The following BEGAIN variants were observed in gnomAD, a reference collection of about 807,000 sequenced individuals.
BEGAIN encodes the protein brain-enriched guanylate kinase-associated protein.
Under a neutral mutation model 35.8 loss-of-function variants are expected in BEGAIN, and 19 were observed. The observed-to-expected ratio is 0.53, with a 90% CI of 0.37 to 0.78. BEGAIN has a LOEUF of 0.78. BEGAIN is among the 30% of genes least tolerant of loss of function. The pLI is 0.00. For missense variants in BEGAIN, 795 were observed against 853.6 expected (o/e 0.93, Z 0.85); for synonymous variants, 462 against 388.6 (o/e 1.19, Z -2.22).
Position 100,539,136 on chromosome 14 carries a change from G to A in BEGAIN, c.672C>T (p.Arg224=). ...LSSRLSDASA[R]DLAFCDGVEK... is the part of the protein sequence containing the mutation. ...CCACCCCGTCGCAGAAGGCCAGGTC[G>A]CGGGCGGAGGCATCGGACAGGCGGG... The change falls in exon 7 of 7, where the codon CGC becomes CGT. Residue 224 remains arginine, a synonymous_variant. Coordinates refer to ENST00000554140, the MANE Select transcript of BEGAIN (RefSeq NM_001385089.1). 6.2e-7 allele frequency: 1 copy of A among 1,603,462 alleles called. No individual in the cohort carries two copies. The highest frequency in any genetic ancestry group is 8.5e-7 in the Non-Finnish European group (1 of 1,173,212).
At chr14:100,575,376 C>A (rs539934956) in intron 1 of BEGAIN, among the ~76,000 whole-genome samples, 217 of 152,288 alleles carry the variant, frequency 1.4e-3, no homozygotes, top group Non-Finnish European at 2.5e-3. Context: ...CACTATCATC[C>A]CGGCGGCTGA....
chr14:100,572,991 C>T (rs1357574244), intron 1 of BEGAIN, among the ~76,000 whole-genome samples: 1 of 151,874 alleles, frequency 6.6e-6, no homozygotes, highest in Non-Finnish European at 1.5e-5. Flanking sequence ...AAGACAGACC[C>T]CAAGAGATGA....
rs560682828 is a variant in BEGAIN at position 100,568,936 on chromosome 14, G to A, written c.43-997C>T. 2 of 983,358 alleles carry A rather than the reference G, an allele frequency of 2.0e-6. No individual in the cohort carries two copies. The highest frequency in any genetic ancestry group is 1.1e-4 in the East Asian group (1 of 8,766). The allele number at this position is 983,358 out of a possible 1,614,324, so 60.9% of individuals were successfully genotyped here. A position where few individuals can be genotyped will look rare whatever the true frequency, so the allele number is the denominator to read the frequency against. On this transcript the variant is annotated intron_variant, in intron 1 of 6. Coordinates refer to ENST00000554140, the MANE Select transcript of BEGAIN (RefSeq NM_001385089.1). The surrounding 1 kb of genome is among the most constrained non-coding windows in gnomAD (Gnocchi z 7.5). ...ATGACTGCCCATCCCGGCCCCTCGC[G>A]CCGGGCGCCGCCGCCGCGTCCGCCG...
chr14:100,564,437 G>A (rs931317888), intron 2 of BEGAIN, among the ~76,000 whole-genome samples: 1 of 152,144 alleles, frequency 6.6e-6, no homozygotes, highest in African/African-American at 2.4e-5. Flanking sequence ...CCAGCAGCAC[G>A]CTGCAGGAGG....
intron 3 of BEGAIN, chr14:100,545,533 TAGG>T (rs751202900): frequency 1.5e-5 from 11 of 722,708 alleles, no homozygotes; most frequent in Non-Finnish European, 1.7e-5. Flanking sequence ...TTCTGCCGGG[TAGG>T]AGGAGTGGAG....
At chr14:100,539,673 A>G (rs1310349135) in intron 6 of BEGAIN, among the ~76,000 whole-genome samples, 15 of 76,658 alleles carry the variant, frequency 2.0e-4, no homozygotes, top group African/African-American at 6.9e-4. Flanking sequence ...CACCCCACCC[A>G]TTTTGTGCCC....
Position 100,568,789 on chromosome 14 carries a change from GCT to G in BEGAIN, c.43-852_43-851del, listed in dbSNP as rs2034945033. Reference sequence around the variant, plus strand: ...GCGTGGAGCTGGGGGCGCCGGGCGGGCTCTCTATCACCCGGGAGAGGCCGCTC... The same window carrying G: ...GCGTGGAGCTGGGGGCGCCGGGCGGGCTCTATCACCCGGGAGAGGCCGCTC... On this transcript the variant is annotated intron_variant, in intron 1 of 6. Coordinates refer to ENST00000554140, the MANE Select transcript of BEGAIN (RefSeq NM_001385089.1). This position sits in a 1 kb window ranked among gnomAD's most constrained non-coding sequence, Gnocchi z 7.5. 1 of 868,986 alleles carries G rather than the reference GCT, an allele frequency of 1.2e-6. No individual in the cohort carries two copies. 53.8% of individuals were successfully genotyped at this position (868,986 alleles called of 1,614,324 possible). A position where few individuals can be genotyped will look rare whatever the true frequency, so the allele number is the denominator to read the frequency against.
chr14:100,564,556 T>C (rs2034540657), intron 2 of BEGAIN, among the ~76,000 whole-genome samples: 1 of 152,116 alleles, frequency 6.6e-6, no homozygotes, highest in Non-Finnish European at 1.5e-5. Flanking sequence ...GTAATATCTA[T>C]AAATATTTGA....
chr14:100,570,267 C>T (rs1456912162), intron 1 of BEGAIN, among the ~76,000 whole-genome samples: 2 of 152,260 alleles, frequency 1.3e-5, no homozygotes, highest in East Asian at 1.9e-4. Context: ...ATTCCCCCCA[C>T]CCCCAGAAGG....
chr14:100,563,852 C>T lies in BEGAIN; in HGVS notation c.71+4059G>A, dbSNP rs1422129473. Among the ~76,000 whole-genome samples the T allele has an allele frequency of 6.6e-6, 1 of 152,206 alleles. No individual in the cohort carries two copies. The highest frequency in any genetic ancestry group is 2.4e-5 in the African/African-American group (1 of 41,442). On this transcript the variant is annotated intron_variant, in intron 2 of 6. Transcript: ENST00000554140. The surrounding 1 kb of genome is among the most constrained non-coding windows in gnomAD (Gnocchi z 4.2). Reference sequence around the variant, plus strand: ...CCACCATGACAACAGCAACTGGTAGCTCCACCTACCACCACAAGGGACCCT... The same window carrying T: ...CCACCATGACAACAGCAACTGGTAGTTCCACCTACCACCACAAGGGACCCT...
chr14:100,572,394 C>T (rs1180938641), intron 1 of BEGAIN, among the ~76,000 whole-genome samples: 1 of 152,184 alleles, frequency 6.6e-6, no homozygotes, highest in Non-Finnish European at 1.5e-5. Context: ...TGAGGAGTGC[C>T]ATGCCAAGGA....
At chr14:100,552,392 C>T (rs898004353) in intron 2 of BEGAIN, among the ~76,000 whole-genome samples, 13 of 152,294 alleles carry the variant, frequency 8.5e-5, no homozygotes, top group African/African-American at 3.1e-4. Flanking sequence ...CAGCCTGTGG[C>T]GTGGAGGGCA....
At chr14:100,546,040 C>T (rs944346054) in intron 3 of BEGAIN, 1 of 156,094 alleles carries the variant, frequency 6.4e-6, no homozygotes, top group Non-Finnish European at 1.4e-5. Flanking sequence ...TCCAGCACAA[C>T]TGGATCGACA....
chr14:100,569,038 C>T, intron 1 of BEGAIN: 1 of 771,226 alleles, frequency 1.3e-6, no homozygotes, highest in Non-Finnish European at 1.6e-6. Flanking sequence ...AGCCCGGCCG[C>T]AGCGCCAAGC....
chr14:100,578,193 G>A (rs577692661), intron 1 of BEGAIN, among the ~76,000 whole-genome samples: 5 of 152,362 alleles, frequency 3.3e-5, no homozygotes, highest in South Asian at 2.1e-4. Flanking sequence ...GTGCTAGAGA[G>A]GGGAAGGTCG....
chr14:100,571,023 A>T (rs1300956823), intron 1 of BEGAIN, among the ~76,000 whole-genome samples: 2 of 151,884 alleles, frequency 1.3e-5, no homozygotes, highest in Non-Finnish European at 2.9e-5. Context: ...AGGGGGCGGG[A>T]TCTCCCTTAG....
In BEGAIN at chr14:100,538,180, A is replaced by C; in HGVS notation, c.1628T>G (p.Leu543Arg). The C allele has an allele frequency of 6.5e-7, 1 of 1,540,040 alleles. No homozygotes were observed. Among genetic ancestry groups the C allele is most frequent in the Non-Finnish European group, 8.7e-7 (1 of 1,146,646 alleles). Reference protein sequence around the residue: ...APSEGGDGDRLGVQLCGTASS... With the variant: ...APSEGGDGDRRGVQLCGTASS... ...GGCGGTCCCACACAGCTGCACCCCG[A>C]GCCTGTCCCCGTCCCCCCCCTCGCT... The change falls in exon 7 of 7, where the codon CTC (leucine) becomes CGC (arginine). Residue 543 changes from leucine (L) to arginine (R), a missense_variant. Physicochemically the swap from Leu to Arg is moderately radical, Grantham distance 102. Coordinates refer to ENST00000554140, the MANE Select transcript of BEGAIN (RefSeq NM_001385089.1).
rs190776430 is a variant in BEGAIN at position 100,582,057 on chromosome 14, G to A, written c.42+5192C>T. Among the ~76,000 whole-genome samples the A allele has an allele frequency of 3.6e-3, 556 of 152,360 alleles. 5 individuals carry two copies. The highest frequency in any genetic ancestry group is 0.013 in the African/African-American group (530 of 41,586). On this transcript the variant is annotated intron_variant, in intron 1 of 6. Transcript: ENST00000554140. Reference sequence around the variant, plus strand: ...CCCCATGGTGCGGGCATGCGCCAGGGGCCGCAGCATAGGCCAGCAGAGGTG... The same window carrying A: ...CCCCATGGTGCGGGCATGCGCCAGGAGCCGCAGCATAGGCCAGCAGAGGTG...
intron 3 of BEGAIN, 133 bp downstream of exon 3, chr14:100,546,368 G>GCCCCCGCCCCGGCCCTCGC: frequency 1.6e-5 from 1 of 61,344 alleles, no homozygotes. Flanking sequence ...CCCGGCCCTC[G>GCCCCCGCCCCGGCCCTCGC]CCCCGCCCCG....
Sources: gnomAD v4.1 joint callset for allele counts (sites outside exome capture counted in the v4.1 genomes callset) on GRCh38, gnomAD v4.1.1 for gene constraint, Gnocchi (gnomAD v3.1) non-coding constraint, MANE v1.5 for transcripts, NCBI Gene and HGNC (gene_info 2026-07-23, HGNC 2026-07-21) for gene names.